Variants in SLC4A3 observed in about 807,000 individuals in gnomAD.
SLC4A3 encodes solute carrier family 4 member 3.
Under a neutral mutation model 114.2 loss-of-function variants are expected in SLC4A3, and 47 were observed. That is an observed-to-expected ratio of 0.41 (90% CI 0.33 to 0.52). SLC4A3 has a LOEUF of 0.52. SLC4A3 is among the 20% of genes least tolerant of loss of function. SLC4A3 has a pLI of 0.21. For missense variants in SLC4A3, 1,312 were observed against 1,668.3 expected, an observed-to-expected ratio of 0.79 and a Z score of 3.72; for synonymous variants, 693 against 710.3, an observed-to-expected ratio of 0.98 and a Z score of 0.39.
intron 14 of SLC4A3, 108 bp downstream of exon 14, chr2:219,635,999 G>C (rs1003927424): frequency 2.1e-5 from 19 of 892,184 alleles, no homozygotes; most frequent in Non-Finnish European, 3.1e-5. Context: ...GGGGCCAATG[G>C]TTAGATGTGC....
chr2:219,627,758 G>A lies in SLC4A3; in HGVS notation c.-94+13G>A, dbSNP rs1698765043. 1.5e-5 allele frequency: 5 copies of A among 331,662 alleles called. No individual in the cohort carries two copies. Among genetic ancestry groups the A allele is most frequent in the Non-Finnish European group, 2.7e-5 (5 of 183,784 alleles). 20.5% of individuals were successfully genotyped at this position (331,662 alleles called of 1,614,324 possible). On this transcript the variant is annotated intron_variant, in intron 1 of 22. Coordinates refer to ENST00000358055, the MANE Select transcript of SLC4A3 (RefSeq NM_005070.4). The stretch of plus-strand genomic sequence containing the variant: ...CCGGAGCCCCGAGGTACCGCGGGGC[G>A]GGGCACGCCGGGCAGGGCGGGGGAC...
intron 11 of SLC4A3, 84 bp downstream of exon 11, chr2:219,634,063 G>T: frequency 7.1e-7 from 1 of 1,417,854 alleles, no homozygotes; most frequent in South Asian, 1.5e-5. Context: ...CTCTGGCCTC[G>T]AGGCCGCCTC....
At position 219,630,612 on chromosome 2, in the gene SLC4A3, A is replaced by G. The variant is rs1698884301; in HGVS notation, c.811+260A>G. Among the ~76,000 whole-genome samples, 1 of 151,976 alleles carries G rather than the reference A, an allele frequency of 6.6e-6. No individual in the cohort carries two copies. The highest frequency in any genetic ancestry group is 1.5e-5 in the Non-Finnish European group (1 of 67,996). Reference sequence around the variant, plus strand: ...CTCTGAGTCACCCCTAGAAAAAGGCAGCTCTCTTTTTCACATTACTGTATC... The same window carrying G: ...CTCTGAGTCACCCCTAGAAAAAGGCGGCTCTCTTTTTCACATTACTGTATC... On this transcript the variant is annotated intron_variant, in intron 6 of 22. Coordinates refer to ENST00000358055, the MANE Select transcript of SLC4A3 (RefSeq NM_005070.4). This position sits in a 1 kb window ranked among gnomAD's most constrained non-coding sequence, Gnocchi z 6.9.
At position 219,636,735 on chromosome 2, in the gene SLC4A3, G is replaced by T; in HGVS notation, c.2396G>T (p.Trp799Leu). The change falls in exon 16 of 23, where the codon TGG becomes TTG. Residue 799 changes from tryptophan (W) to leucine (L), a missense_variant. Around this residue, in one of 4 missense-constraint regions of SLC4A3, gnomAD observed 771 missense variants for 977.7 expected, o/e 0.79. Coordinates refer to ENST00000358055, the MANE Select transcript of SLC4A3 (RefSeq NM_005070.4). This position sits in a 1 kb window ranked among gnomAD's most constrained non-coding sequence, Gnocchi z 5.5. Reference sequence around the variant, plus strand: ...ACTGGCCGGGTGTGGGTTGGTCTCTGGCTGGTGGTCTTCGTCCTTGCCCTG... The same window carrying T: ...ACTGGCCGGGTGTGGGTTGGTCTCTTGCTGGTGGTCTTCGTCCTTGCCCTG... ...YLTGRVWVGL[W>L]LVVFVLALVA... is the part of the protein sequence containing the mutation. The T allele has an allele frequency of 6.2e-7, 1 of 1,614,078 alleles. No homozygotes were observed. The highest frequency in any genetic ancestry group is 8.5e-7 in the Non-Finnish European group (1 of 1,179,980).
Position 219,630,492 on chromosome 2 carries a change from G to T in SLC4A3, c.811+140G>T, listed in dbSNP as rs527477863. 80 of 938,104 alleles carry T rather than the reference G, an allele frequency of 8.5e-5. No homozygotes were observed. In the African/African-American group the frequency reaches 1.3e-3, roughly 15 times the overall value. The allele number at this position is 938,104 out of a possible 1,614,324, so 58.1% of individuals were successfully genotyped here. A position where few individuals can be genotyped will look rare whatever the true frequency, so the allele number is the denominator to read the frequency against. The stretch of plus-strand genomic sequence containing the variant: ...CCCTGTCTGCTGGGATGTGGCCAGT[G>T]ATGGGGACCTCACTACCTCACCCAG... On this transcript the variant is annotated intron_variant, in intron 6 of 22. Transcript: ENST00000358055. The surrounding 1 kb of genome is among the most constrained non-coding windows in gnomAD (Gnocchi z 6.9).
In SLC4A3 at chr2:219,638,387, G is replaced by C. The variant is rs1699204735; in HGVS notation, c.2856+134G>C. 2.7e-6 allele frequency: 2 copies of C among 732,444 alleles called. No homozygotes were observed. Among genetic ancestry groups the C allele is most frequent in the Non-Finnish European group, 4.6e-6 (2 of 434,630 alleles). The allele number at this position is 732,444 out of a possible 1,614,324, so 45.4% of individuals were successfully genotyped here. ...TTCCCAGTGGAGTGGCCGCCCTGGG[G>C]GCTGAGGGCCTTCCCCAGGGAGCCT... is the stretch of plus-strand genomic sequence containing the variant. On this transcript the variant is annotated intron_variant, in intron 18 of 22. Coordinates refer to ENST00000358055, the MANE Select transcript of SLC4A3 (RefSeq NM_005070.4). The surrounding 1 kb of genome is among the most constrained non-coding windows in gnomAD (Gnocchi z 7.5).
rs774576350 is a variant in SLC4A3, at chr2:219,638,869, C to T, written c.3023C>T (p.Ala1008Val). Residue 1008 changes from alanine (A) to valine (V), a missense_variant and splice_region_variant, in exon 19 of 23, where the codon GCG becomes GTG. Physicochemically the swap from Ala to Val is moderately conservative, Grantham distance 64. Coordinates refer to ENST00000358055, the MANE Select transcript of SLC4A3 (RefSeq NM_005070.4). This position sits in a 1 kb window ranked among gnomAD's most constrained non-coding sequence, Gnocchi z 7.5. ...ATCTTCATGGAGACACAGATCACGG[C>T]GTGAGAGAGATGGGAGGAGGAGGTG... ...ILIFMETQITALIVSQKARRL... is the reference protein window; with the variant it reads ...ILIFMETQITVLIVSQKARRL... 6 of 1,613,040 alleles carry T rather than the reference C, an allele frequency of 3.7e-6. No homozygotes were observed. The highest frequency in any genetic ancestry group is 1.1e-5 in the South Asian group (1 of 91,046).
At position 219,632,964 on chromosome 2, in the gene SLC4A3, C is replaced by G; in HGVS notation, c.1232C>G (p.Pro411Arg). The change falls in exon 9 of 23, where the codon CCG becomes CGG. Residue 411 changes from proline to arginine, a missense_variant. Physicochemically the swap from Pro to Arg is moderately radical, Grantham distance 103 (BLOSUM62 -2). Around this residue, in one of 4 missense-constraint regions of SLC4A3, gnomAD observed 771 missense variants for 977.7 expected, o/e 0.79. Transcript: ENST00000358055. ...ETMIVSDQIR[P>R]EDRASVLRTL... ...ATGATTGTGTCTGACCAGATCCGGC[C>G]GGAGGACAGGGCCAGCGTCCTACGT... 6.2e-7 allele frequency: 1 copy of G among 1,614,068 alleles called. No homozygotes were observed. The highest frequency in any genetic ancestry group is 1.1e-5 in the South Asian group (1 of 91,074).
At position 219,631,243 on chromosome 2, in the gene SLC4A3, C is replaced by T. The variant is rs532384405; in HGVS notation, c.812-725C>T. The T allele has an allele frequency of 2.9e-5, 36 of 1,259,374 alleles. No individual in the cohort carries two copies. The highest frequency in any genetic ancestry group is 6.2e-5 in the African/African-American group (4 of 64,712). 78.0% of individuals were successfully genotyped at this position (1,259,374 alleles called of 1,614,324 possible). Reference sequence around the variant, plus strand: ...GAGGTCTCGGCCACCGGGAGAATGACGAGCCCACTGGAGAAGGACCCTGAG... The same window carrying T: ...GAGGTCTCGGCCACCGGGAGAATGATGAGCCCACTGGAGAAGGACCCTGAG... On this transcript the variant is annotated intron_variant, in intron 6 of 22. Transcript: ENST00000358055. The surrounding 1 kb of genome is among the most constrained non-coding windows in gnomAD (Gnocchi z 6.3).
chr2:219,636,161 A>G lies in SLC4A3; in HGVS notation c.2192-141A>G. Reference sequence around the variant, plus strand: ...GGCTAGTGGGGAGGGTTTGGGAGCAATGGGGTATGGAAGGGGCCCTGTGTG... The same window carrying G: ...GGCTAGTGGGGAGGGTTTGGGAGCAGTGGGGTATGGAAGGGGCCCTGTGTG... On this transcript the variant is annotated intron_variant, in intron 14 of 22. Transcript: ENST00000358055. This position sits in a 1 kb window ranked among gnomAD's most constrained non-coding sequence, Gnocchi z 5.5. 2.1e-6 allele frequency: 2 copies of G among 957,118 alleles called. No homozygotes were observed. The highest frequency in any genetic ancestry group is 1.5e-5 in the South Asian group (1 of 66,170). The allele number at this position is 957,118 out of a possible 1,614,324, so 59.3% of individuals were successfully genotyped here.
intron 10 of SLC4A3, 173 bp from the exon 11 acceptor site, chr2:219,633,707 C>T (rs570851666): frequency 4.6e-5 from 48 of 1,038,764 alleles, no homozygotes; most frequent in South Asian, 4.1e-4. Flanking sequence ...TTGGGGACAT[C>T]GAGGCAGGGT....
intron 20 of SLC4A3, among the ~76,000 whole-genome samples, 163 bp from the exon 21 acceptor site, chr2:219,640,267 G>T (rs1418774866): frequency 7.4e-6 from 1 of 134,522 alleles, no homozygotes; most frequent in African/African-American, 2.9e-5. Context: ...GGGTGATAAG[G>T]CCAAGTTGAT....
At position 219,640,891 on chromosome 2, in the gene SLC4A3, C is replaced by T. The variant is rs1207594852; in HGVS notation, c.3550C>T (p.Leu1184=). ...STAASLAFPF[L]LLLTVPLRHC... is the part of the protein sequence containing the mutation. ...GGCGGCCTCACTCGCCTTTCCCTTCCTGCTGCTGCTCACGGTGCCTCTGAG... is the reference window on the plus strand; with the variant it reads ...GGCGGCCTCACTCGCCTTTCCCTTCTTGCTGCTGCTCACGGTGCCTCTGAG... The change falls in exon 22 of 23, where the codon CTG becomes TTG. Residue 1184 remains leucine (L), a synonymous_variant. Transcript: ENST00000358055. 1.2e-6 allele frequency: 2 copies of T among 1,611,732 alleles called. No homozygotes were observed. The highest frequency in any genetic ancestry group is 2.2e-5 in the South Asian group (2 of 91,076).
In SLC4A3 at chr2:219,631,156, G is replaced by T; in HGVS notation, c.811+804G>T. On this transcript the variant is annotated intron_variant, in intron 6 of 22. Transcript: ENST00000358055. This position sits in a 1 kb window ranked among gnomAD's most constrained non-coding sequence, Gnocchi z 6.3. ...CACCTTCAGCTCTGGTTGGACAGAA[G>T]CCACCCCGTCCAGGCTCCCACCTTG... 2 of 1,181,046 alleles carry T rather than the reference G, an allele frequency of 1.7e-6. No homozygotes were observed. The highest frequency in any genetic ancestry group is 2.2e-6 in the Non-Finnish European group (2 of 928,482). The allele number at this position is 1,181,046 out of a possible 1,614,324, so 73.2% of individuals were successfully genotyped here.
intron 9 of SLC4A3, 85 bp from the exon 10 acceptor site, chr2:219,633,189 A>G: frequency 7.2e-7 from 1 of 1,395,688 alleles, no homozygotes; most frequent in Non-Finnish European, 9.8e-7. Context: ...AGAGGGATGG[A>G]GGTCCTGACC....
Position 219,636,870 on chromosome 2 carries a change from A to G in SLC4A3, c.2531A>G (p.Tyr844Cys). 6.2e-7 allele frequency: 1 copy of G among 1,613,298 alleles called. No homozygotes were observed. Among genetic ancestry groups the G allele is most frequent in the African/African-American group, 1.3e-5 (1 of 75,008 alleles). The change falls in exon 16 of 23, where the codon TAC becomes TGC. Residue 844 changes from tyrosine (Y) to cysteine (C), a missense_variant. Tyr to Cys is a radical substitution (Grantham distance 194). Transcript: ENST00000358055. This position sits in a 1 kb window ranked among gnomAD's most constrained non-coding sequence, Gnocchi z 5.5. Reference sequence around the variant, plus strand: ...ATCTACGAGACCTTCTACAAGCTCTACAAGGTGGAGGTCCAGCGAGGTCTT... The same window carrying G: ...ATCTACGAGACCTTCTACAAGCTCTGCAAGGTGGAGGTCCAGCGAGGTCTT... The part of the protein sequence containing the change: ...IFIYETFYKL[Y>C]KVFTEHPLLP...
In SLC4A3 at chr2:219,640,395, C is replaced by T. The variant is rs761481062; in HGVS notation, c.3278-35C>T. 2.5e-6 allele frequency: 4 copies of T among 1,593,212 alleles called. No homozygotes were observed. The South Asian group carries it at 4.6e-5, about 18-fold the overall frequency. ...GCCTGTCCATCCTCACGGGGGCTGT[C>T]TGAGGGTCAGGCGGGTCTGTGTCAC... On this transcript the variant is annotated intron_variant, in intron 20 of 22. Coordinates refer to ENST00000358055, the MANE Select transcript of SLC4A3 (RefSeq NM_005070.4).
chr2:219,629,393 C>G lies in SLC4A3; in HGVS notation c.467C>G (p.Pro156Arg), dbSNP rs1404059150. 4.4e-6 allele frequency: 7 copies of G among 1,589,184 alleles called. No homozygotes were observed. In the South Asian group the frequency reaches 6.9e-5, roughly 16 times the overall value. Residue 156 changes from proline to arginine, a missense_variant, in exon 4 of 23, where the codon CCC becomes CGC. Transcript: ENST00000358055. ...TCTGAGGCAGAACCTGTGGAGCCCC[C>G]CCACTCAGGGACCCCACAGAAGGCA... ...GESEAEPVEPPHSGTPQKAKF... is the reference protein window; with the variant it reads ...GESEAEPVEPRHSGTPQKAKF...
rs1699255626 is a variant in SLC4A3, at chr2:219,639,797, C to T, written c.3277+62C>T. ...TGGGCCCCACGGTCTTACATCTTCA[C>T]TATCCCAGGCTTGACCCTGAATCTC... On this transcript the variant is annotated intron_variant, in intron 20 of 22. Coordinates refer to ENST00000358055, the MANE Select transcript of SLC4A3 (RefSeq NM_005070.4). The surrounding 1 kb of genome is among the most constrained non-coding windows in gnomAD (Gnocchi z 5.9). 1.1e-5 allele frequency: 18 copies of T among 1,570,878 alleles called. No homozygotes were observed. In the South Asian group the frequency reaches 2.1e-4, roughly 18 times the overall value.
Sources: allele counts gnomAD v4.1 joint callset (sites outside exome capture counted in the v4.1 genomes callset), GRCh38; gene constraint gnomAD v4.1.1; regional missense constraint gnomAD v4.1.1; non-coding constraint Gnocchi (gnomAD v3.1); transcripts MANE v1.5; gene names NCBI Gene and HGNC (gene_info 2026-07-23, HGNC 2026-07-21).